The following LRRC4C variants were observed in gnomAD, a reference collection of about 807,000 sequenced individuals.
LRRC4C encodes leucine rich repeat containing 4C.
In LRRC4C, 5 loss-of-function variants were observed where a neutral mutation model predicts 33.6. That is an observed-to-expected ratio of 0.15 (90% CI 0.08 to 0.31). LRRC4C has a LOEUF of 0.31. Ranked by LOEUF, LRRC4C falls within the 10% of genes least tolerant of loss-of-function variation. LRRC4C has a pLI of 1.00. For synonymous variants in LRRC4C, 329 were observed against 302.0 expected, an observed-to-expected ratio of 1.09 and a Z score of -0.93; for missense variants, 560 against 796.7, an observed-to-expected ratio of 0.70 and a Z score of 3.58.
At chr11:41,223,137 G>A (rs958647254) in intron 1 of LRRC4C, 3 of 152,080 alleles carry the variant, frequency 2.0e-5, no homozygotes, top group Non-Finnish European at 4.4e-5. Flanking sequence ...AATACATATA[G>A]GGGATTTTAT....
At chr11:41,213,509 G>T (rs1488707784) in intron 1 of LRRC4C, among the ~76,000 whole-genome samples, 3 of 152,128 alleles carry the variant, frequency 2.0e-5, no homozygotes, top group Non-Finnish European at 4.4e-5. Flanking sequence ...GTATGTCTAG[G>T]TTTACTCGTT....
chr11:40,555,373 T>C (rs566869199), intron 3 of LRRC4C, among the ~76,000 whole-genome samples: 38 of 152,322 alleles, frequency 2.5e-4, no homozygotes, highest in African/African-American at 9.1e-4. Context: ...TCTGAAATAT[T>C]ATTACTGGTA....
At chr11:40,342,008 A>C (rs1002315608) in intron 3 of LRRC4C, among the ~76,000 whole-genome samples, 1 of 151,880 alleles carries the variant, frequency 6.6e-6, no homozygotes, top group Non-Finnish European at 1.5e-5. Flanking sequence ...CAAAAAAAAA[A>C]AACAAAATAA....
chr11:40,433,707 G>A (rs142360546), intron 3 of LRRC4C, among the ~76,000 whole-genome samples: 17 of 152,210 alleles, frequency 1.1e-4, no homozygotes, highest in African/African-American at 3.9e-4. Flanking sequence ...TATGTAAGTC[G>A]ATGATATTTA....
chr11:41,011,905 T>C (rs1289787604), intron 1 of LRRC4C, among the ~76,000 whole-genome samples: 3 of 148,472 alleles, frequency 2.0e-5, no homozygotes, highest in Non-Finnish European at 4.5e-5. Context: ...TGGAGTGCAG[T>C]GGTGTGATCT....
chr11:41,395,704 C>T (rs915874568), intron 1 of LRRC4C, among the ~76,000 whole-genome samples: 10 of 151,900 alleles, frequency 6.6e-5, no homozygotes, highest in African/African-American at 2.4e-4. Flanking sequence ...TAAAATGAAA[C>T]TCCTCTGACT....
At chr11:41,316,112 A>G (rs971878077) in intron 1 of LRRC4C, among the ~76,000 whole-genome samples, 1 of 152,080 alleles carries the variant, frequency 6.6e-6, no homozygotes, top group Non-Finnish European at 1.5e-5. Context: ...CCCTGGAAAC[A>G]GTAATTAGCT....
intron 2 of LRRC4C, among the ~76,000 whole-genome samples, chr11:40,931,322 GA>G (rs1957610770): frequency 1.3e-5 from 2 of 152,148 alleles, no homozygotes; most frequent in African/African-American, 4.8e-5. Flanking sequence ...AAAGACAGTA[GA>G]AAAGGCTTTT....
At position 40,941,400 on chromosome 11, in the gene LRRC4C, C is replaced by T. The variant is rs1653202045; in HGVS notation, c.-495-7677G>A. On this transcript the variant is annotated intron_variant, in intron 1 of 6. Transcript: ENST00000528697. ...AGATTTTATGTTAAATATAGGTTAA[C>T]TGACAGATTATTTTGAAGTGCTCAA... Among the ~76,000 whole-genome samples, 5 of 152,108 alleles carry T rather than the reference C, an allele frequency of 3.3e-5. No homozygotes were observed. In the South Asian group the frequency reaches 8.3e-4, roughly 25 times the overall value.
intron 3 of LRRC4C, among the ~76,000 whole-genome samples, chr11:40,507,738 ATTT>A (rs5791383): frequency 0.018 from 2,449 of 135,070 alleles, 61 homozygotes; most frequent in African/African-American, 0.059. Context: ...ACTAGATTTA[ATTT>A]TTTTTTTTTT....
At chr11:40,768,874 A>G (rs1040534106) in intron 2 of LRRC4C, among the ~76,000 whole-genome samples, 2 of 152,156 alleles carry the variant, frequency 1.3e-5, no homozygotes, top group African/African-American at 4.8e-5. Flanking sequence ...CACAGCTAGT[A>G]TCATACTGAA....
chr11:40,327,234 C>T (rs1162475951), intron 3 of LRRC4C, among the ~76,000 whole-genome samples: 1 of 152,192 alleles, frequency 6.6e-6, no homozygotes, highest in Non-Finnish European at 1.5e-5. Context: ...TGCCATTTCC[C>T]ATGACAGGGC....
intron 2 of LRRC4C, among the ~76,000 whole-genome samples, chr11:40,680,795 A>G (rs1052821082): frequency 7.9e-5 from 12 of 152,194 alleles, no homozygotes; most frequent in African/African-American, 2.7e-4. Flanking sequence ...CACAGGTGTA[A>G]GCAATTTGAA....
intron 3 of LRRC4C, among the ~76,000 whole-genome samples, chr11:40,338,948 A>G (rs1946748542): frequency 6.6e-6 from 1 of 152,218 alleles, no homozygotes; most frequent in African/African-American, 2.4e-5. Flanking sequence ...CCAAAGATGA[A>G]TACTGTTTGC....
At chr11:40,379,070 ATCT>A (rs756076499) in intron 3 of LRRC4C, among the ~76,000 whole-genome samples, 1 of 152,272 alleles carries the variant, frequency 6.6e-6, no homozygotes, top group South Asian at 2.1e-4. Flanking sequence ...CAATGTCATA[ATCT>A]TCTTTAAAAA....
chr11:40,614,810 G>A (rs998110119), intron 3 of LRRC4C, among the ~76,000 whole-genome samples: 4 of 151,578 alleles, frequency 2.6e-5, no homozygotes, highest in Non-Finnish European at 5.9e-5. Context: ...GAAGACAGAT[G>A]GGAGAATGGA....
intron 2 of LRRC4C, among the ~76,000 whole-genome samples, chr11:40,929,478 A>T (rs1708275149): frequency 6.6e-6 from 1 of 152,192 alleles, no homozygotes; most frequent in Non-Finnish European, 1.5e-5. Context: ...AAACACAAAA[A>T]ATTAAATGGG....
intron 3 of LRRC4C, among the ~76,000 whole-genome samples, chr11:40,566,049 T>C (rs1957746003): frequency 6.6e-6 from 1 of 151,580 alleles, no homozygotes; most frequent in South Asian, 2.1e-4. Flanking sequence ...GTATGTTTTG[T>C]TATTCGTAAA....
intron 3 of LRRC4C, among the ~76,000 whole-genome samples, chr11:40,641,795 G>A (rs936244011): frequency 6.6e-6 from 1 of 152,132 alleles, no homozygotes; most frequent in African/African-American, 2.4e-5. Context: ...GTGAAGTGCT[G>A]GAGAGTTTGT....
Sources: allele counts gnomAD v4.1 joint callset (sites outside exome capture counted in the v4.1 genomes callset), GRCh38; gene constraint gnomAD v4.1.1; transcripts MANE v1.5; gene names NCBI Gene and HGNC (gene_info 2026-07-23, HGNC 2026-07-21).